Variants in MYBPC1 observed in about 807,000 individuals in gnomAD.
MYBPC1 encodes myosin binding protein C1, also known as myosin-binding protein C, slow-type.
A neutral mutation model predicts 147.1 loss-of-function variants in MYBPC1; 52 were observed. The observed-to-expected ratio is 0.35, with a 90% CI of 0.28 to 0.45. The LOEUF is 0.45. Among genes scored for constraint, MYBPC1 ranks in the 20% least tolerant of loss-of-function variants. MYBPC1 has a pLI of 1.00. For missense variants in MYBPC1, 1,228 were observed against 1,440.3 expected, an observed-to-expected ratio of 0.85 and a Z score of 2.39; for synonymous variants, 477 against 475.9, an observed-to-expected ratio of 1.00 and a Z score of -0.03.
rs751809667 is a variant in MYBPC1, at chr12:101,680,496, A to G, written c.3400A>G (p.Thr1134Ala). 6.2e-7 allele frequency: 1 copy of G among 1,614,166 alleles called. No individual in the cohort carries two copies. Among genetic ancestry groups the G allele is most frequent in the Admixed American group, 1.7e-5 (1 of 60,018 alleles). The change falls in exon 29 of 32, where the codon ACA becomes GCA. Residue 1134 changes from threonine to alanine, a missense_variant. Physicochemically the swap from Thr to Ala is moderately conservative, Grantham distance 58. Around this residue, in one of 2 missense-constraint regions of MYBPC1, gnomAD observed 1,077 missense variants for 1,314.2 expected, o/e 0.82. Coordinates refer to ENST00000361466, the MANE Select transcript of MYBPC1 (RefSeq NM_002465.4). Reference sequence around the variant, plus strand: ...CTGCAAAGCAGTCAATGACCTTGGGACAGTGGAGATTGAATGCAAACTGGA... The same window carrying G: ...CTGCAAAGCAGTCAATGACCTTGGGGCAGTGGAGATTGAATGCAAACTGGA... ...YCCKAVNDLG[T>A]VEIECKLEVK...
intron 3 of MYBPC1, among the ~76,000 whole-genome samples, chr12:101,625,199 T>A (rs35747657): frequency 0.39 from 49,102 of 125,432 alleles, 8,704 homozygotes; most frequent in East Asian, 0.49. Context: ...AAAAAATAAA[T>A]AAATAAACCT....
In MYBPC1 at chr12:101,613,503, T is replaced by A. The variant is rs138157640; in HGVS notation, c.26-993T>A. On this transcript the variant is annotated intron_variant, in intron 1 of 31. Transcript: ENST00000361466. Reference sequence around the variant, plus strand: ...GAAGCGATCACCTTCATTAACTGCCTCTTCTTGTCCTGGAGATGAAGCAGG... The same window carrying A: ...GAAGCGATCACCTTCATTAACTGCCACTTCTTGTCCTGGAGATGAAGCAGG... 4.6e-5 allele frequency among the ~76,000 whole-genome samples: 7 copies of A among 152,332 alleles called. No homozygotes were observed. The East Asian group carries it at 1.3e-3, about 29-fold the overall frequency.
chr12:101,657,026 AAAAT>A (rs1257135477), intron 18 of MYBPC1, among the ~76,000 whole-genome samples: 2 of 152,210 alleles, frequency 1.3e-5, no homozygotes, highest in Non-Finnish European at 2.9e-5. Flanking sequence ...AATTAAACTA[AAAAT>A]AAATAAATTA....
At chr12:101,664,208 A>G (rs1484076843) in intron 22 of MYBPC1, among the ~76,000 whole-genome samples, 5 of 152,204 alleles carry the variant, frequency 3.3e-5, no homozygotes, top group African/African-American at 1.2e-4. Flanking sequence ...TCACTGATAG[A>G]AATAATAGAA....
the MYBPC1 span, among the ~76,000 whole-genome samples, chr12:101,695,139 G>A: frequency 2.0e-4 from 30 of 152,240 alleles, no homozygotes; most frequent in African/African-American, 6.5e-4. Flanking sequence ...ACTTGGGTAC[G>A]CCACATAATT....
chr12:101,615,511 T>C (rs1373623831), intron 2 of MYBPC1, among the ~76,000 whole-genome samples: 1 of 152,196 alleles, frequency 6.6e-6, no homozygotes, highest in Non-Finnish European at 1.5e-5. Flanking sequence ...AAGCATATTG[T>C]ACCAGATGTA....
chr12:101,614,513 C>T lies in MYBPC1; in HGVS notation c.43C>T (p.Pro15Ser). 1 of 1,613,804 alleles carries T rather than the reference C, an allele frequency of 6.2e-7. No homozygotes were observed. Among genetic ancestry groups the T allele is most frequent in the African/African-American group, 1.3e-5 (1 of 75,002 alleles). ...TKKEENEVPA[P>S]APPPEEPSKE... Reference sequence around the variant, plus strand: ...ATTTCTAGAAAATGAAGTGCCAGCCCCAGCCCCACCCCCGGAAGGTGAGTA... The same window carrying T: ...ATTTCTAGAAAATGAAGTGCCAGCCTCAGCCCCACCCCCGGAAGGTGAGTA... The change falls in exon 2 of 32, where the codon CCA becomes TCA. Residue 15 changes from proline to serine, a missense_variant. Coordinates refer to ENST00000361466, the MANE Select transcript of MYBPC1 (RefSeq NM_002465.4).
intron 30 of MYBPC1, among the ~76,000 whole-genome samples, chr12:101,683,598 C>G (rs746717363): frequency 2.0e-5 from 3 of 152,058 alleles, no homozygotes; most frequent in South Asian, 2.1e-4. Context: ...ATTCCAGGCT[C>G]TATTACAAAA....
At chr12:101,679,337 A>T (rs938645430) in intron 28 of MYBPC1, among the ~76,000 whole-genome samples, 2 of 152,110 alleles carry the variant, frequency 1.3e-5, no homozygotes, top group African/African-American at 4.8e-5. Context: ...GGAGTCCCAT[A>T]CATAAAGATG....
chr12:101,693,502 A>G, the MYBPC1 span, among the ~76,000 whole-genome samples: 1 of 152,128 alleles, frequency 6.6e-6, no homozygotes, highest in African/African-American at 2.4e-5. Context: ...GCATTTTAGG[A>G]GGTCAAAGCG....
intron 27 of MYBPC1, 30 bp downstream of exon 27, chr12:101,677,424 A>T: frequency 6.2e-7 from 1 of 1,613,044 alleles, no homozygotes; most frequent in Non-Finnish European, 8.5e-7. Flanking sequence ...ACATTTGAAA[A>T]CCTTGGTTGA....
At chr12:101,690,463 C>CAATGTTACTCCTA (rs1951397549), downstream of MYBPC1, among the ~76,000 whole-genome samples, 1 of 152,160 alleles carries the variant, frequency 6.6e-6, no homozygotes, top group South Asian at 2.1e-4. Context: ...AGCCCTAACT[C>CAATGTTACTCCTA]AAAGACTAAC....
chr12:101,690,573 T>C (rs753867101), downstream of MYBPC1, among the ~76,000 whole-genome samples: 8 of 152,150 alleles, frequency 5.3e-5, no homozygotes, highest in Admixed American at 1.3e-4. Context: ...TTTAGAGCAG[T>C]AGAAGATAAA....
intron 10 of MYBPC1, among the ~76,000 whole-genome samples, chr12:101,640,999 C>G (rs557077022): frequency 6.6e-5 from 10 of 151,444 alleles, no homozygotes; most frequent in Non-Finnish European, 7.4e-5. Flanking sequence ...GTAATCCCAG[C>G]TACTTGGGAG....
At chr12:101,692,626 G>A in the MYBPC1 span, among the ~76,000 whole-genome samples, 1 of 151,414 alleles carries the variant, frequency 6.6e-6, no homozygotes, top group South Asian at 2.1e-4. Context: ...TTAGAACAGT[G>A]CTTGGCATAG....
At chr12:101,674,419 A>G (rs1272466481) in intron 25 of MYBPC1, among the ~76,000 whole-genome samples, 1 of 152,164 alleles carries the variant, frequency 6.6e-6, no homozygotes, top group African/African-American at 2.4e-5. Flanking sequence ...TAAATACTGA[A>G]TTCTTTGATC....
chr12:101,628,228 A>C, intron 5 of MYBPC1: 1 of 277,064 alleles, frequency 3.6e-6, no homozygotes, highest in Non-Finnish European at 7.1e-6. Context: ...ATTTGTACTG[A>C]GGACCTAATA....
chr12:101,695,477 T>C, the MYBPC1 span, among the ~76,000 whole-genome samples: 8 of 152,334 alleles, frequency 5.3e-5, no homozygotes, highest in East Asian at 1.3e-3. Context: ...TGTGGTTGAC[T>C]GTGGGTATCT....
chr12:101,679,102 T>A (rs966264379), intron 28 of MYBPC1, among the ~76,000 whole-genome samples: 5 of 143,692 alleles, frequency 3.5e-5, no homozygotes, highest in African/African-American at 1.3e-4. Flanking sequence ...TGAGCTGAGA[T>A]AGCACCACTG....
Sources: gnomAD v4.1 joint callset for allele counts (sites outside exome capture counted in the v4.1 genomes callset) on GRCh38, gnomAD v4.1.1 for gene constraint, gnomAD v4.1.1 regional missense constraint, MANE v1.5 for transcripts, NCBI Gene and HGNC (gene_info 2026-07-23, HGNC 2026-07-21) for gene names.